Variants in AUTS2 observed in about 807,000 individuals in gnomAD.
AUTS2 encodes activator of transcription and developmental regulator AUTS2, also known as autism susceptibility gene 2 protein.
In AUTS2, 17 loss-of-function variants were observed where a neutral mutation model predicts 112.4. The observed-to-expected ratio is 0.15, with a 90% CI of 0.10 to 0.23. The LOEUF is 0.23. Ranked by LOEUF, AUTS2 falls within the 10% of genes least tolerant of loss-of-function variation. The pLI is 1.00. For synonymous variants in AUTS2, 751 were observed against 702.7 expected, an observed-to-expected ratio of 1.07 and a Z score of -1.09; for missense variants, 1,510 against 1,701.6, an observed-to-expected ratio of 0.89 and a Z score of 1.98.
intron 4 of AUTS2, among the ~76,000 whole-genome samples, chr7:70,211,033 G>A (rs1356724142): frequency 6.6e-6 from 1 of 152,102 alleles, no homozygotes; most frequent in African/African-American, 2.4e-5. Context: ...AATGTCAAAT[G>A]AACTGCCAAG....
At chr7:70,280,729 CACA>C (rs1259763147) in intron 4 of AUTS2, among the ~76,000 whole-genome samples, 1 of 152,140 alleles carries the variant, frequency 6.6e-6, no homozygotes, top group African/African-American at 2.4e-5. Flanking sequence ...CCAACCCCGA[CACA>C]ACAATACAGT....
intron 5 of AUTS2, among the ~76,000 whole-genome samples, chr7:70,458,941 G>A (rs780864323): frequency 6.6e-6 from 1 of 152,198 alleles, no homozygotes; most frequent in Non-Finnish European, 1.5e-5. Flanking sequence ...CAGTGCAGCT[G>A]CCTGTCGCTC....
chr7:70,528,981 A>C (rs539633339), intron 5 of AUTS2, among the ~76,000 whole-genome samples: 131 of 152,308 alleles, frequency 8.6e-4, no homozygotes, highest in African/African-American at 3.0e-3. Context: ...CTCATTCATA[A>C]ACTATGGCCA....
At chr7:70,261,473 T>C (rs187685611) in intron 4 of AUTS2, among the ~76,000 whole-genome samples, 14 of 152,340 alleles carry the variant, frequency 9.2e-5, no homozygotes, top group Admixed American at 1.3e-4. Context: ...ATTTTTTCTT[T>C]TATGTGTATT....
intron 3 of AUTS2, among the ~76,000 whole-genome samples, chr7:70,129,023 A>G (rs1468667559): frequency 1.3e-5 from 2 of 152,200 alleles, no homozygotes; most frequent in African/African-American, 4.8e-5. Flanking sequence ...GTATATCCAA[A>G]TTATGTCATT....
chr7:70,447,451 C>CTA (rs1394731804), intron 5 of AUTS2, among the ~76,000 whole-genome samples: 4 of 152,222 alleles, frequency 2.6e-5, no homozygotes, highest in African/African-American at 9.6e-5. Flanking sequence ...CTTAGATGTG[C>CTA]TATACATATG....
intron 5 of AUTS2, among the ~76,000 whole-genome samples, chr7:70,678,327 C>T (rs1808031795): frequency 6.6e-6 from 1 of 152,114 alleles, no homozygotes; most frequent in Non-Finnish European, 1.5e-5. Context: ...ATACAATACA[C>T]AAACTGTTGG....
chr7:70,757,902 C>T (rs1335124818), intron 6 of AUTS2, among the ~76,000 whole-genome samples: 9 of 141,920 alleles, frequency 6.3e-5, no homozygotes, highest in South Asian at 2.2e-4. Flanking sequence ...CTGCACCCTC[C>T]GCCCAAGTAG....
chr7:69,763,523 T>C (rs1788283959), intron 1 of AUTS2, among the ~76,000 whole-genome samples: 1 of 152,240 alleles, frequency 6.6e-6, no homozygotes, highest in Non-Finnish European at 1.5e-5. Context: ...CTTTCCTGAC[T>C]ACTCCCACCT....
intron 5 of AUTS2, among the ~76,000 whole-genome samples, chr7:70,496,656 G>A (rs1269389962): frequency 2.5e-4 from 23 of 91,110 alleles, no homozygotes; most frequent in South Asian, 8.4e-4. Context: ...ACATGCACAC[G>A]TCACATCAGC....
chr7:70,229,336 C>G (rs948245649), intron 4 of AUTS2, among the ~76,000 whole-genome samples: 2 of 152,010 alleles, frequency 1.3e-5, no homozygotes, highest in Non-Finnish European at 2.9e-5. Context: ...TTGCTAGATA[C>G]AGAAATTTTG....
At position 70,744,296 on chromosome 7, in the gene AUTS2, C is replaced by G. The variant is rs532768777; in HGVS notation, c.743-18574C>G. On this transcript the variant is annotated intron_variant, in intron 6 of 18. Coordinates refer to ENST00000342771, the MANE Select transcript of AUTS2 (RefSeq NM_015570.4). ...GGGTGAGTGACATGAGGCCATTTGTCTGCGGTGAGGTAGATGCGCTCCTCT... is the reference window on the plus strand; with the variant it reads ...GGGTGAGTGACATGAGGCCATTTGTGTGCGGTGAGGTAGATGCGCTCCTCT... Among the ~76,000 whole-genome samples, 3 of 152,260 alleles carry G rather than the reference C, an allele frequency of 2.0e-5. No homozygotes were observed. The South Asian group carries it at 6.2e-4, about 32-fold the overall frequency.
chr7:69,927,158 C>A (rs1236679421), intron 2 of AUTS2, among the ~76,000 whole-genome samples: 1 of 145,750 alleles, frequency 6.9e-6, no homozygotes, highest in East Asian at 2.0e-4. Flanking sequence ...TCAAACTTAA[C>A]ATTTGAATGG....
At chr7:70,014,592 G>C (rs949687361) in intron 2 of AUTS2, among the ~76,000 whole-genome samples, 1 of 152,160 alleles carries the variant, frequency 6.6e-6, no homozygotes, top group Admixed American at 6.5e-5. Flanking sequence ...CTTGCTCTCT[G>C]TGATTTTTTG....
At chr7:70,493,219 A>G (rs1798318677) in intron 5 of AUTS2, among the ~76,000 whole-genome samples, 1 of 152,208 alleles carries the variant, frequency 6.6e-6, no homozygotes, top group Non-Finnish European at 1.5e-5. Context: ...AGAAAAGGAA[A>G]GGGGAAAATG....
chr7:70,004,848 G>A (rs1273513375), intron 2 of AUTS2, among the ~76,000 whole-genome samples: 3 of 150,776 alleles, frequency 2.0e-5, no homozygotes, highest in South Asian at 2.1e-4. Context: ...TTTAGAGACC[G>A]AGTTTCGCTC....
At chr7:70,742,132 T>C (rs1257892716) in intron 6 of AUTS2, among the ~76,000 whole-genome samples, 1 of 152,218 alleles carries the variant, frequency 6.6e-6, no homozygotes, top group Non-Finnish European at 1.5e-5. Flanking sequence ...TTTGTTCTTA[T>C]AGTAATTCCA....
intron 5 of AUTS2, among the ~76,000 whole-genome samples, chr7:70,579,825 G>C (rs1802352676): frequency 6.6e-6 from 1 of 152,186 alleles, no homozygotes; most frequent in Admixed American, 6.5e-5. Context: ...GACCCATTTA[G>C]TTGGGAGATT....
At chr7:70,627,669 T>C (rs796541859) in intron 5 of AUTS2, among the ~76,000 whole-genome samples, 1 of 152,368 alleles carries the variant, frequency 6.6e-6, no homozygotes, top group African/African-American at 2.4e-5. Flanking sequence ...CGCCAGTTCC[T>C]GTCATTCTCC....
Sources: allele counts gnomAD v4.1 joint callset (sites outside exome capture counted in the v4.1 genomes callset), GRCh38; gene constraint gnomAD v4.1.1; transcripts MANE v1.5; gene names NCBI Gene and HGNC (gene_info 2026-07-23, HGNC 2026-07-21).